Variants in ARID5B observed in about 807,000 individuals in gnomAD.
ARID5B encodes AT-rich interaction domain 5B.
In ARID5B, 13 loss-of-function variants were observed where a neutral mutation model predicts 97.2. The ratio of observed to expected loss-of-function variants is 0.13; its 90% CI spans 0.09 to 0.21. The LOEUF is 0.21. Among genes scored for constraint, ARID5B ranks in the 10% least tolerant of loss-of-function variants. The pLI is 1.00. For synonymous variants in ARID5B, 556 were observed against 570.3 expected (o/e 0.97, Z 0.36); for missense variants, 1,210 against 1,465.3 (o/e 0.83, Z 2.84).
intron 2 of ARID5B, among the ~76,000 whole-genome samples, chr10:61,923,351 C>T: frequency 6.6e-6 from 1 of 152,134 alleles, no homozygotes; most frequent in East Asian, 1.9e-4. Context: ...CACCCCTTGC[C>T]CCATCAATGC....
At chr10:61,902,041 T>G in intron 1 of ARID5B, 118 bp from the exon 2 acceptor site, 2 of 1,193,350 alleles carry the variant, frequency 1.7e-6, no homozygotes, top group Non-Finnish European at 2.4e-6. Context: ...CCCAGCGTTA[T>G]ATCTGTTGGG....
intron 4 of ARID5B, among the ~76,000 whole-genome samples, chr10:62,043,260 TC>T (rs766874971): frequency 6.6e-6 from 1 of 152,178 alleles, no homozygotes; most frequent in Non-Finnish European, 1.5e-5. Flanking sequence ...AGCCAGACTG[TC>T]TCCTCACTCC....
At chr10:62,054,547 G>A (rs779582950) in intron 5 of ARID5B, among the ~76,000 whole-genome samples, 3 of 152,178 alleles carry the variant, frequency 2.0e-5, no homozygotes, top group African/African-American at 4.8e-5. Flanking sequence ...TTCATTTGGA[G>A]CCTTTGCTAT....
chr10:61,916,289 A>C (rs1843902648), intron 2 of ARID5B, among the ~76,000 whole-genome samples: 1 of 152,094 alleles, frequency 6.6e-6, no homozygotes, highest in African/African-American at 2.4e-5. Flanking sequence ...TGTTTCTGTA[A>C]ATAAAGTTTT....
At chr10:61,978,128 A>C (rs1356422364) in intron 3 of ARID5B, among the ~76,000 whole-genome samples, 6 of 152,232 alleles carry the variant, frequency 3.9e-5, no homozygotes, top group Non-Finnish European at 2.9e-5. Flanking sequence ...TCCTTTCCCC[A>C]TTCCTTGTTT....
chr10:61,988,982 T>C (rs1293353193), intron 3 of ARID5B, among the ~76,000 whole-genome samples: 1 of 135,564 alleles, frequency 7.4e-6, no homozygotes, highest in East Asian at 2.1e-4. Flanking sequence ...CAGGCTGGAG[T>C]GCAATGGTGC....
At chr10:61,973,606 C>T (rs1838660255) in intron 3 of ARID5B, among the ~76,000 whole-genome samples, 1 of 151,982 alleles carries the variant, frequency 6.6e-6, no homozygotes, top group African/African-American at 2.4e-5. Context: ...CACCAGATGC[C>T]AGTGTAAAAA....
intron 3 of ARID5B, among the ~76,000 whole-genome samples, chr10:61,986,673 T>G (rs1207472004): frequency 6.6e-6 from 1 of 152,196 alleles, no homozygotes; most frequent in Non-Finnish European, 1.5e-5. Flanking sequence ...TTGTGTAACT[T>G]TTTGTTAAAC....
intron 3 of ARID5B, among the ~76,000 whole-genome samples, chr10:61,958,720 C>A (rs10740055): frequency 0.49 from 74,235 of 151,954 alleles, 18,242 homozygotes; most frequent in Non-Finnish European, 0.51. Context: ...TAGTTCAAAC[C>A]CAGCTTTCCA....
chr10:61,994,415 C>T (rs1283395843), intron 3 of ARID5B, among the ~76,000 whole-genome samples: 1 of 152,124 alleles, frequency 6.6e-6, no homozygotes, highest in Non-Finnish European at 1.5e-5. Flanking sequence ...GCAAATTTCT[C>T]CTCTGGAATT....
intron 4 of ARID5B, among the ~76,000 whole-genome samples, chr10:62,040,300 A>G (rs1422458734): frequency 6.6e-6 from 1 of 151,878 alleles, no homozygotes; most frequent in African/African-American, 2.4e-5. Flanking sequence ...CAGAAGGGAG[A>G]CCTCAGCTTA....
chr10:61,939,549 C>A (rs564449900), intron 2 of ARID5B, among the ~76,000 whole-genome samples: 4 of 152,320 alleles, frequency 2.6e-5, no homozygotes, highest in African/African-American at 9.6e-5. Flanking sequence ...AAAATCAGTT[C>A]ATTTCTCAGC....
intron 5 of ARID5B, among the ~76,000 whole-genome samples, chr10:62,056,567 A>G (rs945687458): frequency 6.6e-6 from 1 of 152,226 alleles, no homozygotes; most frequent in African/African-American, 2.4e-5. Flanking sequence ...GATACAAAGT[A>G]TAAAATATGG....
intron 4 of ARID5B, chr10:62,046,658 G>A (rs1223027707): frequency 6.6e-6 from 1 of 152,176 alleles, no homozygotes. Context: ...TGAGTAAGAG[G>A]AACAGATGGG....
intron 3 of ARID5B, among the ~76,000 whole-genome samples, chr10:61,969,835 G>GT (rs1838601023): frequency 6.6e-6 from 1 of 152,026 alleles, no homozygotes. Flanking sequence ...TTTTGGATTT[G>GT]TTTTTTGCCC....
In ARID5B at chr10:62,092,437, A is replaced by G. The variant is rs1840394420; in HGVS notation, c.2974A>G (p.Met992Val). ...RLENFRKMEGMVHPILHRKMS... is the reference protein window; with the variant it reads ...RLENFRKMEGVVHPILHRKMS... The stretch of plus-strand genomic sequence containing the variant: ...GGAGAATTTCAGGAAGATGGAAGGC[A>G]TGGTCCACCCAATCCTGCACCGGAA... Residue 992 changes from methionine (M) to valine (V), a missense_variant, in exon 10 of 10, where the codon ATG becomes GTG. By Grantham distance (21) the Met-to-Val change is conservative. Around this residue, in one of 8 missense-constraint regions of ARID5B, gnomAD observed 800 missense variants for 839.1 expected, o/e 0.95. Transcript: ENST00000279873. 2.5e-6 allele frequency: 4 copies of G among 1,614,106 alleles called. No individual in the cohort carries two copies. Among genetic ancestry groups the G allele is most frequent in the African/African-American group, 1.3e-5 (1 of 74,936 alleles).
chr10:61,930,627 G>A (rs983972281), intron 2 of ARID5B, among the ~76,000 whole-genome samples: 3 of 151,994 alleles, frequency 2.0e-5, no homozygotes, highest in Non-Finnish European at 1.5e-5. Flanking sequence ...GGCTGAGGCA[G>A]GAGAATGGCG....
chr10:62,048,491 G>C (rs1454114938), intron 4 of ARID5B, among the ~76,000 whole-genome samples: 1 of 152,174 alleles, frequency 6.6e-6, no homozygotes, highest in African/African-American at 2.4e-5. Flanking sequence ...CCTGAAATAC[G>C]CAAGTACTTG....
At chr10:61,948,370 A>C (rs935600088) in intron 3 of ARID5B, among the ~76,000 whole-genome samples, 8 of 118,514 alleles carry the variant, frequency 6.8e-5, no homozygotes, top group African/African-American at 2.6e-4. Context: ...CTTAGGATAC[A>C]CTTTAGGTAA....
Sources: gnomAD v4.1 joint callset for allele counts (sites outside exome capture counted in the v4.1 genomes callset) on GRCh38, gnomAD v4.1.1 for gene constraint, gnomAD v4.1.1 regional missense constraint, MANE v1.5 for transcripts, NCBI Gene and HGNC (gene_info 2026-07-23, HGNC 2026-07-21) for gene names.